Variants in RIMKLB observed in about 807,000 individuals in gnomAD.
RIMKLB encodes ribosomal modification protein rimK like family member B, also known as beta-citrylglutamate synthase B.
RIMKLB carries 7 observed loss-of-function variants against 32.0 expected under a neutral mutation model. The observed-to-expected ratio is 0.22, with a 90% CI of 0.12 to 0.41. The LOEUF (loss-of-function observed/expected upper bound fraction) is 0.41. Ranked by LOEUF, RIMKLB falls within the 10% of genes least tolerant of loss-of-function variation. The pLI, the probability that RIMKLB is intolerant of heterozygous loss-of-function variation, is 1.00. For missense variants in RIMKLB, 289 were observed against 498.7 expected (o/e 0.58, Z 4.00); for synonymous variants, 172 against 185.1 (o/e 0.93, Z 0.57).
intron 2 of RIMKLB, among the ~76,000 whole-genome samples, chr12:8,723,337 A>G (rs963176704): frequency 6.6e-6 from 1 of 152,198 alleles, no homozygotes; most frequent in African/African-American, 2.4e-5. Context: ...GAGAATGTAC[A>G]CATTTATTCA....
At chr12:8,770,543 C>T (rs1358007024) in intron 5 of RIMKLB, among the ~76,000 whole-genome samples, 2 of 152,180 alleles carry the variant, frequency 1.3e-5, no homozygotes, top group African/African-American at 2.4e-5. Flanking sequence ...CTTGAGATCT[C>T]TGTTAGCCAT....
At chr12:8,673,116 A>C in the RIMKLB span, among the ~76,000 whole-genome samples, 1 of 152,116 alleles carries the variant, frequency 6.6e-6, no homozygotes, top group Non-Finnish European at 1.5e-5. Flanking sequence ...TCCTGACCTC[A>C]GGTGATCTAC....
intron 2 of RIMKLB, among the ~76,000 whole-genome samples, chr12:8,741,864 A>G (rs1035833577): frequency 6.6e-6 from 1 of 151,876 alleles, no homozygotes; most frequent in Non-Finnish European, 1.5e-5. Flanking sequence ...CTCATGTAAC[A>G]AACCTGCATG....
At chr12:8,743,168 AC>A (rs1947732381) in intron 2 of RIMKLB, 1 of 151,826 alleles carries the variant, frequency 6.6e-6, no homozygotes, top group East Asian at 1.9e-4. Flanking sequence ...AGCCTGGCCA[AC>A]ATAGGGAAAC....
chr12:8,710,394 G>A (rs1051202520), intron 1 of RIMKLB, among the ~76,000 whole-genome samples: 12 of 142,378 alleles, frequency 8.4e-5, no homozygotes, highest in African/African-American at 3.2e-4. Context: ...TACAACCTCC[G>A]CCTCCTGGGT....
chr12:8,764,155 C>T (rs1949758419), intron 5 of RIMKLB, among the ~76,000 whole-genome samples: 1 of 152,124 alleles, frequency 6.6e-6, no homozygotes, highest in African/African-American at 2.4e-5. Context: ...GCTTTAGGTC[C>T]TTAACAATCT....
At chr12:8,734,513 T>C (rs1347552714) in intron 2 of RIMKLB, among the ~76,000 whole-genome samples, 1 of 152,230 alleles carries the variant, frequency 6.6e-6, no homozygotes, top group Non-Finnish European at 1.5e-5. Flanking sequence ...CTTTGTCTCA[T>C]AGATGAAAAA....
the RIMKLB span, among the ~76,000 whole-genome samples, chr12:8,676,382 CTTTTTTTTTTTTTT>C: frequency 3.4e-3 from 127 of 37,342 alleles, no homozygotes; most frequent in Non-Finnish European, 5.2e-3. Context: ...CCCCCAACAG[CTTTTTTTTTTTTTT>C]TTTTTTTTTT....
chr12:8,670,072 G>T, the RIMKLB span, among the ~76,000 whole-genome samples: 2 of 145,956 alleles, frequency 1.4e-5, no homozygotes, highest in African/African-American at 2.6e-5. Context: ...AGACCCCCAT[G>T]ATTCAGTTAC....
intron 5 of RIMKLB, 146 bp downstream of exon 5, chr12:8,754,239 C>T: frequency 3.2e-6 from 2 of 622,570 alleles, no homozygotes; most frequent in South Asian, 2.0e-5. Context: ...TTACACATGC[C>T]ATCAATGTAA....
At chr12:8,685,601 G>GTATTATGTATTTA (rs374611242) in intron 1 of RIMKLB, among the ~76,000 whole-genome samples, 2,133 of 151,788 alleles carry the variant, frequency 0.014, 40 homozygotes, top group African/African-American at 0.045. Flanking sequence ...CTTTATTTAT[G>GTATTATGTATTTA]ACAGATACTT....
At chr12:8,682,027 G>C (rs1942422209) in intron 1 of RIMKLB, among the ~76,000 whole-genome samples, 1 of 152,074 alleles carries the variant, frequency 6.6e-6, no homozygotes, top group Non-Finnish European at 1.5e-5. Context: ...TCAGTATTGA[G>C]TTGGATTGTA....
At chr12:8,732,762 C>T (rs910340942) in intron 2 of RIMKLB, among the ~76,000 whole-genome samples, 10 of 150,460 alleles carry the variant, frequency 6.6e-5, no homozygotes, top group South Asian at 2.1e-4. Context: ...TATATACACA[C>T]ACACACACAC....
At chr12:8,770,560 G>T (rs1950323665) in intron 5 of RIMKLB, among the ~76,000 whole-genome samples, 1 of 152,052 alleles carries the variant, frequency 6.6e-6, no homozygotes, top group Non-Finnish European at 1.5e-5. Flanking sequence ...CCATTTACTA[G>T]TATGTTAGTA....
intron 5 of RIMKLB, among the ~76,000 whole-genome samples, chr12:8,757,140 T>G (rs997413613): frequency 7.2e-5 from 11 of 152,194 alleles, no homozygotes; most frequent in African/African-American, 1.2e-4. Flanking sequence ...ACATTGAGAT[T>G]TAATTAATAG....
downstream of RIMKLB, chr12:8,777,520 T>C: frequency 8.3e-7 from 1 of 1,199,704 alleles, no homozygotes; most frequent in African/African-American, 1.6e-5. Flanking sequence ...AGATCCTTAA[T>C]GTTTTGCATT....
chr12:8,751,698 T>C lies in RIMKLB; in HGVS notation c.407-259T>C, dbSNP rs750512091. Among the ~76,000 whole-genome samples, 18 of 152,294 alleles carry C rather than the reference T, an allele frequency of 1.2e-4. No individual in the cohort carries two copies. The East Asian group carries it at 3.5e-3, about 29-fold the overall frequency. The stretch of plus-strand genomic sequence containing the variant: ...AAGGATAAAAACATGAGAAATGGCA[T>C]AGAATTAGGAAACTCTTTAGCTGAA... On this transcript the variant is annotated intron_variant, in intron 3 of 5. Transcript: ENST00000535829.
intron 1 of RIMKLB, among the ~76,000 whole-genome samples, chr12:8,686,675 G>T (rs1338108662): frequency 2.6e-5 from 4 of 151,832 alleles, no homozygotes; most frequent in Middle Eastern, 3.2e-3. Flanking sequence ...GTAGAGTCGG[G>T]GTTTCACCGT....
intron 2 of RIMKLB, among the ~76,000 whole-genome samples, chr12:8,715,228 C>CTTTTTTTTTTTTTTTTT (rs61677474): frequency 4.0e-5 from 5 of 123,740 alleles, no homozygotes; most frequent in African/African-American, 1.6e-4. Flanking sequence ...TGCTCTTGTT[C>CTTTTTTTTTTTTTTTTT]TTTTTTTTTT....
Sources: allele counts gnomAD v4.1 joint callset (sites outside exome capture counted in the v4.1 genomes callset), GRCh38; gene constraint gnomAD v4.1.1; transcripts MANE v1.5; gene names NCBI Gene and HGNC (gene_info 2026-07-23, HGNC 2026-07-21).